The following SUSD1 variants were observed in gnomAD, a reference collection of about 807,000 sequenced individuals.
The protein encoded by SUSD1 is sushi domain-containing protein 1.
SUSD1 carries 65 observed loss-of-function variants against 86.9 expected under a neutral mutation model. The observed-to-expected ratio is 0.75, with a 90% CI of 0.61 to 0.92. The LOEUF (loss-of-function observed/expected upper bound fraction) is 0.92, where lower values mean the gene tolerates loss of function less well. Among genes scored for constraint, SUSD1 ranks in the 40% least tolerant of loss-of-function variants. SUSD1 has a pLI of 0.00. For synonymous variants in SUSD1, 346 were observed against 350.0 expected, an observed-to-expected ratio of 0.99 and a Z score of 0.13; for missense variants, 850 against 929.7, an observed-to-expected ratio of 0.91 and a Z score of 1.11.
intron 8 of SUSD1, among the ~76,000 whole-genome samples, chr9:112,111,232 G>A (rs1415817666): frequency 6.6e-6 from 1 of 152,044 alleles, no homozygotes; most frequent in Non-Finnish European, 1.5e-5. Context: ...GACCTCAAGT[G>A]ATCTGCCCAC....
chr9:112,116,802 G>A (rs1192528740), intron 6 of SUSD1, among the ~76,000 whole-genome samples: 1 of 152,154 alleles, frequency 6.6e-6, no homozygotes, highest in Admixed American at 6.5e-5. Flanking sequence ...CTGGTAGAGT[G>A]ACTGATGTCT....
intron 14 of SUSD1, among the ~76,000 whole-genome samples, chr9:112,055,335 A>G (rs1375847168): frequency 6.6e-6 from 1 of 152,092 alleles, no homozygotes; most frequent in Non-Finnish European, 1.5e-5. Context: ...CTGAGGTGAG[A>G]GGATCATCTG....
chr9:112,164,023 A>T (rs944291582), intron 1 of SUSD1, among the ~76,000 whole-genome samples: 1 of 152,082 alleles, frequency 6.6e-6, no homozygotes, highest in Non-Finnish European at 1.5e-5. Context: ...AAAATAAAAA[A>T]AATAAAAAAA....
At chr9:112,131,992 CT>C (rs1469681804) in intron 5 of SUSD1, among the ~76,000 whole-genome samples, 5 of 152,138 alleles carry the variant, frequency 3.3e-5, no homozygotes, top group Non-Finnish European at 7.3e-5. Flanking sequence ...TAACTTATAT[CT>C]CATATCTTGA....
intron 15 of SUSD1, among the ~76,000 whole-genome samples, chr9:112,048,288 G>A (rs1828041864): frequency 6.6e-6 from 1 of 152,024 alleles, no homozygotes; most frequent in Admixed American, 6.6e-5. Flanking sequence ...ACTGAGAGAA[G>A]GTAGATGTAT....
intron 10 of SUSD1, among the ~76,000 whole-genome samples, chr9:112,086,150 T>C (rs1325227007): frequency 6.8e-6 from 1 of 147,990 alleles, no homozygotes; most frequent in African/African-American, 2.6e-5. Context: ...CACCACCATC[T>C]CTACAAAAAA....
Position 112,143,492 on chromosome 9 carries a change from T to A in SUSD1, c.505A>T (p.Thr169Ser). The change falls in exon 4 of 17, where the codon ACC (threonine) becomes TCC (serine). Residue 169 changes from threonine to serine, a missense_variant. Thr to Ser is a moderately conservative substitution (Grantham distance 58). Transcript: ENST00000374270. ...CCACCTGTGCATGATGTGGCATCGGTGGTCGGGTGGAAAGGTTCAGGTCCA... is the reference window on the plus strand; with the variant it reads ...CCACCTGTGCATGATGTGGCATCGGAGGTCGGGTGGAAAGGTTCAGGTCCA... ...RNGPEPFHPT[T>S]DATSCTEIDC... 1 of 1,613,772 alleles carries A rather than the reference T, an allele frequency of 6.2e-7. No individual in the cohort carries two copies. The highest frequency in any genetic ancestry group is 8.5e-7 in the Non-Finnish European group (1 of 1,179,886).
intron 14 of SUSD1, among the ~76,000 whole-genome samples, chr9:112,053,811 C>T (rs562845305): frequency 1.2e-4 from 18 of 152,260 alleles, no homozygotes; most frequent in African/African-American, 4.3e-4. Context: ...AAAACTCATG[C>T]TGGCAGTGGT....
chr9:112,142,782 T>C (rs1384990145), intron 4 of SUSD1, among the ~76,000 whole-genome samples: 1 of 152,054 alleles, frequency 6.6e-6, no homozygotes, highest in Non-Finnish European at 1.5e-5. Context: ...CCTTGTCCAG[T>C]GAAATAAAAA....
rs1447665294 is a variant in SUSD1, at chr9:112,102,222, T to G, written c.1235A>C (p.Lys412Thr). 1 of 1,603,556 alleles carries G rather than the reference T, an allele frequency of 6.2e-7. No homozygotes were observed. Among genetic ancestry groups the G allele is most frequent in the Non-Finnish European group, 8.5e-7 (1 of 1,175,394 alleles). ...AACTTTCCTAGAACGCCTGTTCAAT[T>G]TCAAACAAGTTTCATTAAATATTGA... is the stretch of plus-strand genomic sequence containing the variant. ...NISIFNETCLKLNRRSRKVGS... is the reference protein window; with the variant it reads ...NISIFNETCLTLNRRSRKVGS... The change falls in exon 9 of 17, where the codon AAA (lysine) becomes ACA (threonine). Residue 412 changes from lysine to threonine, a missense_variant. Coordinates refer to ENST00000374270, the MANE Select transcript of SUSD1 (RefSeq NM_022486.5).
At chr9:112,098,984 T>C (rs1212711875) in intron 9 of SUSD1, among the ~76,000 whole-genome samples, 1 of 151,948 alleles carries the variant, frequency 6.6e-6, no homozygotes, top group Non-Finnish European at 1.5e-5. Flanking sequence ...GCAAAATTAT[T>C]TTTTTTCCTC....
intron 3 of SUSD1, among the ~76,000 whole-genome samples, chr9:112,144,195 AC>A (rs1245489091): frequency 6.6e-6 from 1 of 151,898 alleles, no homozygotes; most frequent in Non-Finnish European, 1.5e-5. Context: ...AGCCGAGATC[AC>A]GCCACTGCAC....
intron 14 of SUSD1, among the ~76,000 whole-genome samples, chr9:112,056,391 A>T (rs1372518159): frequency 1.3e-5 from 2 of 152,268 alleles, no homozygotes; most frequent in African/African-American, 4.8e-5. Context: ...CGCTGGTTGC[A>T]CAACAATGTG....
chr9:112,043,074 A>AT (rs1398012098), intron 15 of SUSD1, among the ~76,000 whole-genome samples: 1 of 152,198 alleles, frequency 6.6e-6, no homozygotes, highest in Non-Finnish European at 1.5e-5. Flanking sequence ...AACTCAGTTT[A>AT]TAGTTTAACT....
chr9:112,158,491 T>C (rs1833434078), intron 1 of SUSD1, among the ~76,000 whole-genome samples: 1 of 151,812 alleles, frequency 6.6e-6, no homozygotes, highest in Admixed American at 6.6e-5. Flanking sequence ...CCCGGGCTCA[T>C]GCAATTCTCC....
At chr9:112,078,514 C>A (rs1829618727) in intron 12 of SUSD1, 24 bp downstream of exon 12, 2 of 1,592,792 alleles carry the variant, frequency 1.3e-6, no homozygotes, top group Non-Finnish European at 1.7e-6. Context: ...TTTGTTAATC[C>A]AAATGCTGTT....
intron 8 of SUSD1, among the ~76,000 whole-genome samples, chr9:112,109,017 A>G (rs1455704945): frequency 6.6e-6 from 1 of 152,178 alleles, no homozygotes; most frequent in African/African-American, 2.4e-5. Context: ...ACCTGGGATT[A>G]TATAACCTAT....
At chr9:112,118,183 C>T (rs1193674984) in intron 6 of SUSD1, among the ~76,000 whole-genome samples, 1 of 152,182 alleles carries the variant, frequency 6.6e-6, no homozygotes, top group Non-Finnish European at 1.5e-5. Flanking sequence ...AAAACAGCAT[C>T]TGATTTCAAA....
intron 13 of SUSD1, among the ~76,000 whole-genome samples, chr9:112,062,590 G>C (rs1317295033): frequency 6.6e-6 from 1 of 152,130 alleles, no homozygotes; most frequent in African/African-American, 2.4e-5. Flanking sequence ...AGCTACTCAG[G>C]AGGCAGTGGA....
Sources: gnomAD v4.1 joint callset for allele counts (sites outside exome capture counted in the v4.1 genomes callset) on GRCh38, gnomAD v4.1.1 for gene constraint, MANE v1.5 for transcripts, NCBI Gene and HGNC (gene_info 2026-07-23, HGNC 2026-07-21) for gene names.